FKBP6: variants seen among roughly 807,000 people sequenced by gnomAD.
FKBP6 encodes the protein inactive peptidyl-prolyl cis-trans isomerase FKBP6.
FKBP6 carries 29 observed loss-of-function variants against 41.7 expected under a neutral mutation model. That is an observed-to-expected ratio of 0.70 (90% CI 0.52 to 0.95). FKBP6 has a LOEUF of 0.95. FKBP6 is among the 40% of genes least tolerant of loss of function. The probability of loss-of-function intolerance (pLI) is 0.00; values close to 1 mark genes in which losing one functional copy is unlikely to be tolerated. For synonymous variants in FKBP6, 130 were observed against 165.1 expected, an observed-to-expected ratio of 0.79 and a Z score of 1.63; for missense variants, 338 against 408.7, an observed-to-expected ratio of 0.83 and a Z score of 1.49.
chr7:73,351,889 G>C (rs1171996636), intron 8 of FKBP6, among the ~76,000 whole-genome samples: 1 of 152,200 alleles, frequency 6.6e-6, no homozygotes, highest in Non-Finnish European at 1.5e-5. Flanking sequence ...TGGATCCTCA[G>C]TTTCATCTCT....
chr7:73,353,759 A>G (rs1444643316), intron 8 of FKBP6, among the ~76,000 whole-genome samples: 1 of 150,880 alleles, frequency 6.6e-6, no homozygotes, highest in African/African-American at 2.4e-5. Flanking sequence ...TTTGAGGCAA[A>G]GTCTCGCTCT....
At chr7:73,356,786 G>GT (rs1448827874) in intron 8 of FKBP6, among the ~76,000 whole-genome samples, 1 of 151,910 alleles carries the variant, frequency 6.6e-6, no homozygotes, top group East Asian at 1.9e-4. Context: ...TATCTTTTTT[G>GT]TTTCCCCTCA....
chr7:73,342,784 C>A (rs374653637), intron 7 of FKBP6, 23 bp from the exon 8 acceptor site: 1 of 1,529,358 alleles, frequency 6.5e-7, no homozygotes, highest in Non-Finnish European at 9.1e-7. Context: ...CCTCCTCTAA[C>A]AAGTGTGTAT....
At chr7:73,335,332 C>G (rs1051656019) in intron 5 of FKBP6, among the ~76,000 whole-genome samples, 1 of 152,156 alleles carries the variant, frequency 6.6e-6, no homozygotes, top group Non-Finnish European at 1.5e-5. Context: ...TCAAAGACAG[C>G]CTGCACACAT....
At chr7:73,345,075 G>T (rs1305220622) in intron 8 of FKBP6, among the ~76,000 whole-genome samples, 1 of 152,104 alleles carries the variant, frequency 6.6e-6, no homozygotes, top group Non-Finnish European at 1.5e-5. Flanking sequence ...TGCACGATTG[G>T]TGCTCAGGAA....
chr7:73,341,523 G>A, intron 7 of FKBP6, 141 bp downstream of exon 7: 4 of 702,830 alleles, frequency 5.7e-6, no homozygotes, highest in Non-Finnish European at 1.0e-5. Context: ...CTGGGTTTCT[G>A]AAGTGCTCGG....
intron 8 of FKBP6, among the ~76,000 whole-genome samples, chr7:73,344,368 A>G (rs900580289): frequency 6.6e-6 from 1 of 152,112 alleles, no homozygotes; most frequent in African/African-American, 2.4e-5. Context: ...TTTCCCCCAG[A>G]TTTCCAACTC....
rs1212444658 is a variant in FKBP6 at position 73,341,476 on chromosome 7, T to C, written c.893+94T>C. ...CCCCCAACAAAGGACAGTCTGGCGG[T>C]GTTGCCCAGAGTGTTAGGAGGCCGC... On this transcript the variant is annotated intron_variant, in intron 7 of 8. Coordinates refer to ENST00000252037, the MANE Select transcript of FKBP6 (RefSeq NM_003602.5). 2.1e-5 allele frequency: 18 copies of C among 842,498 alleles called. No individual in the cohort carries two copies. The African/African-American group carries it at 3.4e-4, about 16-fold the overall frequency. 52.2% of individuals were successfully genotyped at this position (842,498 alleles called of 1,614,324 possible).
At position 73,330,350 on chromosome 7, in the gene FKBP6, G is replaced by C. The variant is rs372279747; in HGVS notation, c.466G>C (p.Ala156Pro). 26 of 1,611,322 alleles carry C rather than the reference G, an allele frequency of 1.6e-5. No individual in the cohort carries two copies. The African/African-American group carries it at 2.7e-4, about 17-fold the overall frequency. ...AESDKFCALS[A>P]EQQDQFPLQK... ...GTCAGACAAGTTTTGTGCTCTCTCA[G>C]CTGTAAGTTCCAGAGCACAGATGTC... Residue 156 changes from alanine (A) to proline (P), a missense_variant and splice_region_variant, in exon 4 of 9, where the codon GCT becomes CCT. By Grantham distance (27) the Ala-to-Pro change is conservative. This residue lies in a region of FKBP6 where 239 missense variants were observed against 250.1 expected (regional missense o/e 0.96). Transcript: ENST00000252037.
chr7:73,333,589 G>A (rs918405472), intron 5 of FKBP6, among the ~76,000 whole-genome samples: 1 of 152,136 alleles, frequency 6.6e-6, no homozygotes, highest in Non-Finnish European at 1.5e-5. Context: ...AGGTGACCCC[G>A]CAATGCGTGG....
rs1804702785 is a variant in FKBP6, at chr7:73,328,389, C to T, written c.-40C>T. ...CAGCCAGGGAGGGCAGCGGGGCGCA[C>T]CAGGCCGAAGGCTCACGCCACAGGG... On this transcript the variant is annotated 5_prime_UTR_variant, in exon 1 of 9. Coordinates refer to ENST00000252037, the MANE Select transcript of FKBP6 (RefSeq NM_003602.5). 2.5e-6 allele frequency: 4 copies of T among 1,569,328 alleles called. No homozygotes were observed. The highest frequency in any genetic ancestry group is 3.5e-6 in the Non-Finnish European group (4 of 1,158,112).
intron 4 of FKBP6, 123 bp from the exon 5 acceptor site, chr7:73,331,534 G>T: frequency 1.1e-6 from 1 of 891,602 alleles, no homozygotes; most frequent in African/African-American, 1.6e-5. Flanking sequence ...TTTAAATGGA[G>T]ACATGTTCTC....
At chr7:73,328,781 G>A in intron 2 of FKBP6, 89 bp downstream of exon 2, 8 of 1,605,986 alleles carry the variant, frequency 5.0e-6, no homozygotes, top group Non-Finnish European at 6.8e-6. Context: ...GCACTTAATG[G>A]GGTTGGAAAT....
intron 8 of FKBP6, among the ~76,000 whole-genome samples, chr7:73,355,959 G>A (rs899891170): frequency 7.9e-5 from 12 of 151,362 alleles, no homozygotes; most frequent in African/African-American, 2.2e-4. Context: ...CCAGCTTCTC[G>A]GGAGGCTGAG....
In FKBP6 at chr7:73,328,324, T is replaced by C. The variant is rs1318596452; in HGVS notation, c.-105T>C. 12 of 1,549,600 alleles carry C rather than the reference T, an allele frequency of 7.7e-6. No homozygotes were observed. The highest frequency in any genetic ancestry group is 2.7e-5 in the African/African-American group (2 of 73,038). Reference sequence around the variant, plus strand: ...TGGAATGCCGCCGTCGGTAGGGGTCTGCCGGGCATAAAGGGGCCTTCGGAA... The same window carrying C: ...TGGAATGCCGCCGTCGGTAGGGGTCCGCCGGGCATAAAGGGGCCTTCGGAA... On this transcript the variant is annotated 5_prime_UTR_variant, in exon 1 of 9. Coordinates refer to ENST00000252037, the MANE Select transcript of FKBP6 (RefSeq NM_003602.5).
At chr7:73,341,662 C>A in intron 7 of FKBP6, among the ~76,000 whole-genome samples, 1 of 146,672 alleles carries the variant, frequency 6.8e-6, no homozygotes, top group Middle Eastern at 3.3e-3. Context: ...GGGAGGGTGT[C>A]ACTTTTTTTT....
At chr7:73,332,015 C>T (rs1444729049) in intron 5 of FKBP6, among the ~76,000 whole-genome samples, 3 of 152,060 alleles carry the variant, frequency 2.0e-5, no homozygotes, top group Admixed American at 2.0e-4. Context: ...AGGCACCCGC[C>T]ACTTCACCTG....
At chr7:73,343,565 T>A (rs1805255809) in intron 8 of FKBP6, among the ~76,000 whole-genome samples, 1 of 152,102 alleles carries the variant, frequency 6.6e-6, no homozygotes, top group Non-Finnish European at 1.5e-5. Context: ...GGCTCTTAAA[T>A]TCTACTTTCT....
At chr7:73,356,378 G>A (rs1399113976) in intron 8 of FKBP6, among the ~76,000 whole-genome samples, 2 of 152,328 alleles carry the variant, frequency 1.3e-5, no homozygotes, top group South Asian at 2.1e-4. Flanking sequence ...TGGTTGTGAT[G>A]GGTGTGTCTT....
Sources: gnomAD v4.1 joint callset for allele counts (sites outside exome capture counted in the v4.1 genomes callset) on GRCh38, gnomAD v4.1.1 for gene constraint, gnomAD v4.1.1 regional missense constraint, MANE v1.5 for transcripts, NCBI Gene and HGNC (gene_info 2026-07-23, HGNC 2026-07-21) for gene names.